Variants in ARFGEF1 observed in about 807,000 individuals in gnomAD.
ARFGEF1 encodes ARF guanine nucleotide exchange factor 1, also known as brefeldin A-inhibited guanine nucleotide-exchange protein 1.
In ARFGEF1, 42 loss-of-function variants were observed where a neutral mutation model predicts 231.0. That is an observed-to-expected ratio of 0.18 (90% CI 0.14 to 0.24). The LOEUF (loss-of-function observed/expected upper bound fraction) is 0.24. Among genes scored for constraint, ARFGEF1 ranks in the 10% least tolerant of loss-of-function variants. The pLI is 1.00. For synonymous variants in ARFGEF1, 710 were observed against 732.3 expected (o/e 0.97, Z 0.49); for missense variants, 1,345 against 2,192.0 (o/e 0.61, Z 7.72).
At chr8:67,279,076 C>A (rs1011023734) in intron 7 of ARFGEF1, among the ~76,000 whole-genome samples, 1 of 151,688 alleles carries the variant, frequency 6.6e-6, no homozygotes, top group African/African-American at 2.4e-5. Flanking sequence ...CCAGCCTGGG[C>A]AACATAGTGA....
Position 67,238,798 on chromosome 8 carries a change from T to C in ARFGEF1, c.3075A>G (p.Thr1025=). ...GAGCCACTGTGATAAGTGTTTTTAT[T>C]GTGTCAATGTTCTTCTGTTTCATTT... ...ITEMKQKNID[T]IKTLITVAHT... Residue 1025 remains threonine, a synonymous_variant, in exon 21 of 39, where the codon ACA becomes ACG. Transcript: ENST00000262215. The C allele has an allele frequency of 1.2e-6, 2 of 1,613,912 alleles. No homozygotes were observed. Among genetic ancestry groups the C allele is most frequent in the Non-Finnish European group, 1.7e-6 (2 of 1,179,858 alleles).
At chr8:67,237,926 T>C (rs2128877874) in intron 22 of ARFGEF1, among the ~76,000 whole-genome samples, 1 of 152,288 alleles carries the variant, frequency 6.6e-6, no homozygotes, top group African/African-American at 2.4e-5. Context: ...TTCCTGGTCA[T>C]ATTGAGCGCA....
chr8:67,312,795 T>C (rs1463281357), intron 1 of ARFGEF1, among the ~76,000 whole-genome samples: 1 of 152,146 alleles, frequency 6.6e-6, no homozygotes, highest in African/African-American at 2.4e-5. Flanking sequence ...AGGACCTAAA[T>C]GGAGCTAAGG....
chr8:67,283,665 T>G (rs889496787), intron 7 of ARFGEF1, among the ~76,000 whole-genome samples: 1 of 152,102 alleles, frequency 6.6e-6, no homozygotes, highest in Non-Finnish European at 1.5e-5. Context: ...GATAAAAATC[T>G]GATGGAAAAA....
intron 29 of ARFGEF1, 105 bp from the exon 30 acceptor site, chr8:67,219,665 C>G (rs1839079348): frequency 2.4e-6 from 3 of 1,246,326 alleles, no homozygotes; most frequent in Non-Finnish European, 3.3e-6. Context: ...AAGCTTAAAA[C>G]TAGTCTGAAA....
intron 1 of ARFGEF1, among the ~76,000 whole-genome samples, chr8:67,330,913 C>T (rs1006666080): frequency 6.6e-6 from 1 of 152,140 alleles, no homozygotes; most frequent in Non-Finnish European, 1.5e-5. Context: ...AAATAATCAA[C>T]TACTTCCCAA....
chr8:67,198,349 C>T lies in ARFGEF1; in HGVS notation c.*585G>A. 1 of 984,306 alleles carries T rather than the reference C, an allele frequency of 1.0e-6. No individual in the cohort carries two copies. 61.0% of individuals were successfully genotyped at this position (984,306 alleles called of 1,614,324 possible). A position where few individuals can be genotyped will look rare whatever the true frequency, so the allele number is the denominator to read the frequency against. ...GAATAAGAAAATAAAGAAAACAGTG[C>T]AGGAAGAACTATATAATGTTTTAAG... is the stretch of plus-strand genomic sequence containing the variant. On this transcript the variant is annotated 3_prime_UTR_variant, in exon 39 of 39. Coordinates refer to ENST00000262215, the MANE Select transcript of ARFGEF1 (RefSeq NM_006421.5).
At chr8:67,304,854 G>A (rs1194514372) in intron 1 of ARFGEF1, among the ~76,000 whole-genome samples, 2 of 152,130 alleles carry the variant, frequency 1.3e-5, no homozygotes, top group African/African-American at 4.8e-5. Flanking sequence ...TATGGATAAG[G>A]AGGAAATGCT....
intron 1 of ARFGEF1, among the ~76,000 whole-genome samples, chr8:67,311,046 G>A (rs1230859248): frequency 1.4e-5 from 2 of 144,384 alleles, no homozygotes; most frequent in African/African-American, 2.6e-5. Flanking sequence ...GCCTCTGCCC[G>A]GCCACCCCTA....
chr8:67,280,252 A>G (rs1420685954), intron 7 of ARFGEF1, among the ~76,000 whole-genome samples: 1 of 152,250 alleles, frequency 6.6e-6, no homozygotes, highest in Non-Finnish European at 1.5e-5. Context: ...CAAATCAAAG[A>G]GCTTGGGGAA....
At chr8:67,262,424 A>G (rs533777481) in intron 14 of ARFGEF1, among the ~76,000 whole-genome samples, 1 of 152,368 alleles carries the variant, frequency 6.6e-6, no homozygotes, top group Middle Eastern at 3.4e-3. Context: ...AATGCAATCT[A>G]CTACTGGTTA....
chr8:67,231,292 A>C (rs1189584879), intron 23 of ARFGEF1, among the ~76,000 whole-genome samples: 1 of 152,138 alleles, frequency 6.6e-6, no homozygotes, highest in Non-Finnish European at 1.5e-5. Flanking sequence ...CGGTGTTTTC[A>C]CTATAAGCAA....
chr8:67,197,952 C>A lies in ARFGEF1; in HGVS notation c.*982G>T. The A allele has an allele frequency of 1.0e-6, 1 of 985,792 alleles. No homozygotes were observed. The highest frequency in any genetic ancestry group is 1.2e-6 in the Non-Finnish European group (1 of 829,926). The allele number at this position is 985,792 out of a possible 1,614,324, so 61.1% of individuals were successfully genotyped here. A position where few individuals can be genotyped will look rare whatever the true frequency, so the allele number is the denominator to read the frequency against. On this transcript the variant is annotated 3_prime_UTR_variant, in exon 39 of 39. Transcript: ENST00000262215. Reference sequence around the variant, plus strand: ...GCCAGATTTGTTATTTTAATATATTCAACGTTAAATTCTGTACATAGAGTA... The same window carrying A: ...GCCAGATTTGTTATTTTAATATATTAAACGTTAAATTCTGTACATAGAGTA...
chr8:67,248,807 C>A (rs1311878121), intron 19 of ARFGEF1, among the ~76,000 whole-genome samples: 6 of 150,432 alleles, frequency 4.0e-5, no homozygotes, highest in Admixed American at 4.0e-4. Context: ...ACCTAGTAAA[C>A]AATTTAGGAC....
chr8:67,291,789 C>G, intron 6 of ARFGEF1, 58 bp downstream of exon 6: 1 of 1,552,060 alleles, frequency 6.4e-7, no homozygotes, highest in South Asian at 1.2e-5. Flanking sequence ...CATCAAAACT[C>G]TCATTCCTAC....
intron 1 of ARFGEF1, among the ~76,000 whole-genome samples, chr8:67,329,381 T>C (rs780817597): frequency 1.3e-5 from 2 of 151,000 alleles, no homozygotes; most frequent in Non-Finnish European, 3.0e-5. Flanking sequence ...TACAAAAAAT[T>C]AGTCAGGCGT....
chr8:67,188,963 GA>G (rs143668007), intron 5 of ARFGEF1, among the ~76,000 whole-genome samples: 2,301 of 152,320 alleles, frequency 0.015, 61 homozygotes, highest in African/African-American at 0.053. Context: ...CCAGGTCAGA[GA>G]ACAAGAGGCT....
chr8:67,337,098 C>T (rs1210394813), intron 1 of ARFGEF1, among the ~76,000 whole-genome samples: 2 of 132,382 alleles, frequency 1.5e-5, no homozygotes, highest in African/African-American at 5.8e-5. Flanking sequence ...CACTGCACTC[C>T]AGCCTGTGTG....
At chr8:67,242,159 C>T (rs1481257396) in intron 19 of ARFGEF1, among the ~76,000 whole-genome samples, 2 of 152,180 alleles carry the variant, frequency 1.3e-5, no homozygotes, top group Admixed American at 6.5e-5. Flanking sequence ...ACTGCAACTC[C>T]TAGGCAAGGC....
Sources: gnomAD v4.1 joint callset for allele counts (sites outside exome capture counted in the v4.1 genomes callset) on GRCh38, gnomAD v4.1.1 for gene constraint, MANE v1.5 for transcripts, NCBI Gene and HGNC (gene_info 2026-07-23, HGNC 2026-07-21) for gene names.